The following MADCAM1 variants were observed in gnomAD, a reference collection of about 807,000 sequenced individuals.
MADCAM1 encodes mucosal vascular addressin cell adhesion molecule 1.
A neutral mutation model predicts 26.1 loss-of-function variants in MADCAM1; 19 were observed. The ratio of observed to expected loss-of-function variants is 0.73; its 90% confidence interval spans 0.51 to 1.07. The LOEUF (loss-of-function observed/expected upper bound fraction) is 1.07, where lower values mean the gene tolerates loss of function less well. Among genes scored for constraint, MADCAM1 ranks in the 50% least tolerant of loss-of-function variants. MADCAM1 has a pLI of 0.00. For synonymous variants in MADCAM1, 268 were observed against 260.9 expected (o/e 1.03, Z -0.26); for missense variants, 514 against 542.1 (o/e 0.95, Z 0.51).
At chr19:503,764 G>A (rs996075876) in intron 4 of MADCAM1, among the ~76,000 whole-genome samples, 1 of 150,632 alleles carries the variant, frequency 6.6e-6, no homozygotes, top group Admixed American at 6.6e-5. Context: ...AAAAAAAAGT[G>A]TTGGCCAGAC....
chr19:497,923 G>A lies in MADCAM1; in HGVS notation c.143G>A (p.Arg48His). 1.4e-6 allele frequency: 2 copies of A among 1,400,972 alleles called. No individual in the cohort carries two copies. Among genetic ancestry groups the A allele is most frequent in the Non-Finnish European group, 1.8e-6 (2 of 1,084,624 alleles). The allele number at this position is 1,400,972 out of a possible 1,614,324, so 86.8% of individuals were successfully genotyped here. Residue 48 changes from arginine (R) to histidine (H), a missense_variant, in exon 2 of 5, where the codon CGC becomes CAC. By Grantham distance (29) the Arg-to-His change is conservative (BLOSUM62 0). Coordinates refer to ENST00000215637, the MANE Select transcript of MADCAM1 (RefSeq NM_130760.3). Reference sequence around the variant, plus strand: ...GGCGCCTCGCGCCAGCTCACCTGCCGCCTGGCCTGCGCGGACCGCGGGGCC... The same window carrying A: ...GGCGCCTCGCGCCAGCTCACCTGCCACCTGGCCTGCGCGGACCGCGGGGCC... The part of the protein sequence containing the change: ...ALGASRQLTC[R>H]LACADRGASV...
chr19:503,799 A>T (rs1978479002), intron 4 of MADCAM1, among the ~76,000 whole-genome samples: 1 of 151,690 alleles, frequency 6.6e-6, no homozygotes, highest in Non-Finnish European at 1.5e-5. Flanking sequence ...CTATAATCCT[A>T]GCACTTTGGG....
Position 497,902 on chromosome 19 carries a change from C to T in MADCAM1, c.122C>T (p.Ala41Val). Residue 41 changes from alanine (A) to valine (V), a missense_variant, in exon 2 of 5, where the codon GCC becomes GTC. Around this residue, in one of 3 missense-constraint regions of MADCAM1, gnomAD observed 317 missense variants for 313.6 expected, o/e 1.01. Coordinates refer to ENST00000215637, the MANE Select transcript of MADCAM1 (RefSeq NM_130760.3). ...CCGGTGGTGGCCGTGGCCTTGGGCGCCTCGCGCCAGCTCACCTGCCGCCTG... is the reference window on the plus strand; with the variant it reads ...CCGGTGGTGGCCGTGGCCTTGGGCGTCTCGCGCCAGCTCACCTGCCGCCTG... ...PEPVVAVALG[A>V]SRQLTCRLAC... is the part of the protein sequence containing the mutation. 7.3e-7 allele frequency: 1 copy of T among 1,370,366 alleles called. No individual in the cohort carries two copies. The highest frequency in any genetic ancestry group is 9.4e-7 in the Non-Finnish European group (1 of 1,069,242). The allele number at this position is 1,370,366 out of a possible 1,614,324, so 84.9% of individuals were successfully genotyped here.
Position 497,837 on chromosome 19 carries a change from G to C in MADCAM1, c.57G>C (p.Gln19His). 1 of 1,303,838 alleles carries C rather than the reference G, an allele frequency of 7.7e-7. No individual in the cohort carries two copies. The highest frequency in any genetic ancestry group is 3.2e-5 in the East Asian group (1 of 31,628). 80.8% of individuals were successfully genotyped at this position (1,303,838 alleles called of 1,614,324 possible). Residue 19 changes from glutamine to histidine, a missense_variant, in exon 2 of 5, where the codon CAG (glutamine) becomes CAC (histidine). Around this residue, in one of 3 missense-constraint regions of MADCAM1, gnomAD observed 317 missense variants for 313.6 expected, o/e 1.01. Transcript: ENST00000215637. ...LAGLLGLLLG[Q>H]SLQVKPLQVE... is the part of the protein sequence containing the mutation. ...CGAGAGCCGCGGTCGCCGCAGGCCA[G>C]TCCCTCCAGGTGAAGCCCCTGCAGG...
intron 1 of MADCAM1, 66 bp downstream of exon 1, chr19:496,617 G>C (rs1295680959): frequency 6.8e-5 from 68 of 1,000,454 alleles, no homozygotes; most frequent in Non-Finnish European, 8.5e-5. Flanking sequence ...AGAGGAGGGG[G>C]CTCAGGAGAG....
intron 4 of MADCAM1, 28 bp downstream of exon 4, chr19:501,957 G>T (rs1381860159): frequency 3.5e-6 from 5 of 1,444,256 alleles, no homozygotes; most frequent in South Asian, 2.8e-5. Context: ...GGGGCAGGGA[G>T]GGTGGGAAGG....
chr19:503,040 T>A (rs1568318519), intron 4 of MADCAM1, among the ~76,000 whole-genome samples: 1 of 152,216 alleles, frequency 6.6e-6, no homozygotes, highest in East Asian at 1.9e-4. Context: ...AGCAACTAAC[T>A]GGGCTAAAGT....
At chr19:497,795 G>A (rs1978292462) in intron 1 of MADCAM1, 38 bp from the exon 2 acceptor site, 3 of 1,252,904 alleles carry the variant, frequency 2.4e-6, no homozygotes, top group Non-Finnish European at 3.0e-6. Context: ...CGGGGTCCGG[G>A]ACTCCGCGGG....
chr19:498,385 C>A, intron 2 of MADCAM1, 111 bp from the exon 3 acceptor site: 1 of 1,172,120 alleles, frequency 8.5e-7, no homozygotes, highest in Non-Finnish European at 1.1e-6. Flanking sequence ...TGTTCATCAG[C>A]AGCCCCCACG....
Position 498,581 on chromosome 19 carries a change from C to T in MADCAM1, c.423C>T (p.Pro141=). The stretch of plus-strand genomic sequence containing the variant: ...CCTGTACGGCCCACAAAGTCACGCC[C>T]GTGGACCCCAACGCGCTCTCCTTCT... ...EVACTAHKVT[P]VDPNALSFSL... Residue 141 remains proline (P), a synonymous_variant, in exon 3 of 5, where the codon CCC becomes CCT. Coordinates refer to ENST00000215637, the MANE Select transcript of MADCAM1 (RefSeq NM_130760.3). The T allele has an allele frequency of 2.0e-6, 3 of 1,484,548 alleles. No individual in the cohort carries two copies. The highest frequency in any genetic ancestry group is 5.1e-5 in the Admixed American group (2 of 39,190). The allele number at this position is 1,484,548 out of a possible 1,614,324, so 92.0% of individuals were successfully genotyped here. A position where few individuals can be genotyped will look rare whatever the true frequency, so the allele number is the denominator to read the frequency against.
intron 3 of MADCAM1, among the ~76,000 whole-genome samples, chr19:501,018 T>C (rs1978320224): frequency 6.6e-6 from 1 of 151,546 alleles, no homozygotes; most frequent in African/African-American, 2.4e-5. Context: ...AGACCTCCCA[T>C]CTCTACAAAA....
intron 3 of MADCAM1, 122 bp downstream of exon 3, chr19:498,947 C>A: frequency 7.4e-7 from 1 of 1,346,126 alleles, no homozygotes; most frequent in South Asian, 1.3e-5. Flanking sequence ...ACTGGATTCC[C>A]CCACGCAGCG....
Position 498,045 on chromosome 19 carries a change from G to A in MADCAM1, c.265G>A (p.Ala89Thr). Residue 89 changes from alanine (A) to threonine (T), a missense_variant, in exon 2 of 5, where the codon GCC (alanine) becomes ACC (threonine). By Grantham distance (58) the Ala-to-Thr change is moderately conservative. Transcript: ENST00000215637. ...LTVRNASLSA[A>T]GTRVCVGSCG... ...CGTGCGCAACGCCTCGCTGTCGGCG[G>A]CCGGGACCCGCGTGTGCGTGGGCTC... 3 of 1,485,294 alleles carry A rather than the reference G, an allele frequency of 2.0e-6. No individual in the cohort carries two copies. The highest frequency in any genetic ancestry group is 2.7e-6 in the Non-Finnish European group (3 of 1,123,722). The allele number at this position is 1,485,294 out of a possible 1,614,324, so 92.0% of individuals were successfully genotyped here.
intron 2 of MADCAM1, 140 bp downstream of exon 2, chr19:498,257 C>A (rs1206393427): frequency 1.0e-6 from 1 of 953,654 alleles, no homozygotes; most frequent in Non-Finnish European, 1.4e-6. Flanking sequence ...GGTCCCCGGC[C>A]TTCGCTTCCC....
Position 501,670 on chromosome 19 carries a change from C to A in MADCAM1, c.669C>A (p.Val223=). 1 of 1,416,628 alleles carries A rather than the reference C, an allele frequency of 7.1e-7. No homozygotes were observed. The highest frequency in any genetic ancestry group is 9.3e-7 in the Non-Finnish European group (1 of 1,070,866). 87.8% of individuals were successfully genotyped at this position (1,416,628 alleles called of 1,614,324 possible). ...AAAAAACCCTCACTCTGTTTCCAGT[C>A]CTGCACAGCCCGACCTCCCCGGAGC... ...LELSHRQAIP[V]LHSPTSPEPP... is the part of the protein sequence containing the mutation. The change falls in exon 4 of 5, where the codon GTC becomes GTA. Residue 223 remains valine, a splice_region_variant and synonymous_variant. Transcript: ENST00000215637.
At chr19:503,348 A>G (rs59408516) in intron 4 of MADCAM1, among the ~76,000 whole-genome samples, 35,848 of 149,766 alleles carry the variant, frequency 0.24, 5,310 homozygotes, top group East Asian at 0.46. Flanking sequence ...TTGGGAGGCC[A>G]AGGCGGGCGG....
At chr19:496,777 T>G (rs922217837) in intron 1 of MADCAM1, among the ~76,000 whole-genome samples, 3 of 886 alleles carry the variant, frequency 3.4e-3, no homozygotes, top group Non-Finnish European at 4.1e-3. Context: ...CTCAGGAGAG[T>G]GGAGGGGGCT....
At chr19:500,824 C>G (rs947009140) in intron 3 of MADCAM1, among the ~76,000 whole-genome samples, 3 of 151,670 alleles carry the variant, frequency 2.0e-5, no homozygotes, top group Admixed American at 6.6e-5. Flanking sequence ...GAGCCGAGAT[C>G]GCACCATTGC....
intron 1 of MADCAM1, 21 bp from the exon 2 acceptor site, chr19:497,812 C>T (rs1344108612): frequency 6.6e-5 from 84 of 1,268,324 alleles, no homozygotes; most frequent in Middle Eastern, 6.0e-4. Flanking sequence ...CGGGGCTGAG[C>T]GAGAGCCGCG....
Sources: gnomAD v4.1 joint callset for allele counts (sites outside exome capture counted in the v4.1 genomes callset) on GRCh38, gnomAD v4.1.1 for gene constraint, gnomAD v4.1.1 regional missense constraint, MANE v1.5 for transcripts, NCBI Gene and HGNC (gene_info 2026-07-23, HGNC 2026-07-21) for gene names.